Variants in SRSF4 observed in about 807,000 individuals in gnomAD.
The protein encoded by SRSF4 is serine/arginine-rich splicing factor 4.
Under a neutral mutation model 48.8 loss-of-function variants are expected in SRSF4, and 12 were observed. The observed-to-expected ratio is 0.25, with a 90% confidence interval of 0.16 to 0.40. The LOEUF (loss-of-function observed/expected upper bound fraction) is 0.40, where lower values mean the gene tolerates loss of function less well. SRSF4 is among the 10% of genes least tolerant of loss of function. The probability of loss-of-function intolerance (pLI) is 1.00; values close to 1 mark genes in which losing one functional copy is unlikely to be tolerated. For missense variants in SRSF4, 466 were observed against 667.1 expected (o/e 0.70, Z 3.32); for synonymous variants, 248 against 232.5 (o/e 1.07, Z -0.61).
Position 29,148,193 on chromosome 1 carries a change from G to C in SRSF4, c.*217C>G. On this transcript the variant is annotated 3_prime_UTR_variant, in exon 6 of 6. Coordinates refer to ENST00000373795, the MANE Select transcript of SRSF4 (RefSeq NM_005626.5). Reference sequence around the variant, plus strand: ...TTCTACTGTGGGCCATGAGTAAAAGGGGATTTTCAAAGAGAAAATTTTTTT... The same window carrying C: ...TTCTACTGTGGGCCATGAGTAAAAGCGGATTTTCAAAGAGAAAATTTTTTT... The C allele has an allele frequency of 1.4e-6, 1 of 718,260 alleles. No homozygotes were observed. Among genetic ancestry groups the C allele is most frequent in the Non-Finnish European group, 2.5e-6 (1 of 406,624 alleles). 44.5% of individuals were successfully genotyped at this position (718,260 alleles called of 1,614,324 possible).
At chr1:29,149,775 C>T (rs539128657) in intron 5 of SRSF4, among the ~76,000 whole-genome samples, 82 of 151,306 alleles carry the variant, frequency 5.4e-4, no homozygotes, top group Non-Finnish European at 8.4e-4. Flanking sequence ...GGCACAGTGG[C>T]TCATGTCTGT....
At chr1:29,171,786 C>T (rs1228231040) in intron 1 of SRSF4, 1 of 152,044 alleles carries the variant, frequency 6.6e-6, no homozygotes, top group Non-Finnish European at 1.5e-5. Context: ...ATATCCTGTG[C>T]CTATCTTTTA....
At position 29,149,152 on chromosome 1, in the gene SRSF4, C is replaced by T; in HGVS notation, c.743G>A (p.Arg248Lys). The T allele has an allele frequency of 6.2e-7, 1 of 1,609,698 alleles. No homozygotes were observed. The highest frequency in any genetic ancestry group is 8.5e-7 in the Non-Finnish European group (1 of 1,177,254). Residue 248 changes from arginine to lysine, a missense_variant, in exon 6 of 6, where the codon AGG (arginine) becomes AAG (lysine). Physicochemically the swap from Arg to Lys is conservative, Grantham distance 26. Transcript: ENST00000373795. The part of the protein sequence containing the change: ...SRSRSKKEKS[R>K]SPSKEKSRSR... ...GCGGCTCTTTTCCTTGCTGGGGCTC[C>T]TGCTTTTCTCTTTCTTGCTCCGGCT... is the stretch of plus-strand genomic sequence containing the variant.
At chr1:29,150,242 G>A (rs1672388659) in intron 4 of SRSF4, 50 bp from the exon 5 acceptor site, 2 of 1,307,466 alleles carry the variant, frequency 1.5e-6, no homozygotes, top group South Asian at 2.4e-5. Flanking sequence ...GGCTGCTGAT[G>A]AGCATCAATC....
In SRSF4 at chr1:29,159,446, G is replaced by C. The variant is rs780506020; in HGVS notation, c.291C>G (p.Gly97=). The C allele has an allele frequency of 3.1e-6, 5 of 1,613,830 alleles. No homozygotes were observed. The highest frequency in any genetic ancestry group is 2.2e-5 in the East Asian group (1 of 44,872). ...GYRRSGRDKY[G]PPTRTEYRLI... ...GTCTGTACTCTGTGCGAGTAGGAGG[G>C]CCATATTTATCTCGGCCACTTCTTC... The change falls in exon 3 of 6, where the codon GGC becomes GGG. Residue 97 remains glycine, a synonymous_variant. Transcript: ENST00000373795.
At chr1:29,152,716 C>G (rs753857543) in intron 4 of SRSF4, among the ~76,000 whole-genome samples, 3 of 151,976 alleles carry the variant, frequency 2.0e-5, no homozygotes, top group Non-Finnish European at 4.4e-5. Flanking sequence ...GTCAGGAGTT[C>G]GAGACCAGTC....
At chr1:29,158,586 C>T (rs931928978) in intron 3 of SRSF4, among the ~76,000 whole-genome samples, 7 of 152,078 alleles carry the variant, frequency 4.6e-5, no homozygotes, top group Non-Finnish European at 7.3e-5. Flanking sequence ...CCCACCACCA[C>T]GCCCGGCTAA....
intron 1 of SRSF4, among the ~76,000 whole-genome samples, chr1:29,174,655 A>G (rs1309737940): frequency 6.7e-6 from 1 of 149,382 alleles, no homozygotes; most frequent in Admixed American, 6.7e-5. Context: ...AAGAAAAGGG[A>G]GAGACTGTGC....
At chr1:29,150,043 G>T (rs1348742505) in intron 5 of SRSF4, 60 bp downstream of exon 5, 1 of 1,359,716 alleles carries the variant, frequency 7.4e-7, no homozygotes, top group Non-Finnish European at 1.0e-6. Flanking sequence ...AGAAAAAAAA[G>T]TGAGACAGGG....
At position 29,149,030 on chromosome 1, in the gene SRSF4, G is replaced by C. The variant is rs139023153; in HGVS notation, c.865C>G (p.Arg289Gly). ...TTACTTTTATGCCTGCTAGGACTCC[G>C]GCTCTTGGGTTTCCCGACATTGTCA... ...NNDNVGKPKS[R>G]SPSRHKSKSK... Residue 289 changes from arginine to glycine, a missense_variant, in exon 6 of 6, where the codon CGG (arginine) becomes GGG (glycine). Physicochemically the swap from Arg to Gly is moderately radical, Grantham distance 125. Transcript: ENST00000373795. 1.2e-6 allele frequency: 2 copies of C among 1,613,190 alleles called. No homozygotes were observed. Among genetic ancestry groups the C allele is most frequent in the East Asian group, 2.2e-5 (1 of 44,782 alleles).
chr1:29,164,920 T>G (rs1053920969), intron 1 of SRSF4, among the ~76,000 whole-genome samples: 1 of 152,200 alleles, frequency 6.6e-6, no homozygotes, highest in African/African-American at 2.4e-5. Context: ...AAATCTGAAA[T>G]GCTCGAAAAT....
chr1:29,181,569 C>T, intron 1 of SRSF4, 77 bp downstream of exon 1: 1 of 1,297,208 alleles, frequency 7.7e-7, no homozygotes, highest in Non-Finnish European at 1.1e-6. Flanking sequence ...CCAGGCGTCC[C>T]TCTCCCGTCC....
chr1:29,161,572 C>CA (rs899182231), intron 1 of SRSF4, among the ~76,000 whole-genome samples: 12 of 152,080 alleles, frequency 7.9e-5, no homozygotes, highest in Admixed American at 7.9e-4. Flanking sequence ...AGCCTGCTGA[C>CA]AAAAAATGAT....
chr1:29,178,525 T>A (rs1672905584), intron 1 of SRSF4, among the ~76,000 whole-genome samples: 3 of 152,022 alleles, frequency 2.0e-5, no homozygotes, highest in Admixed American at 1.3e-4. Flanking sequence ...TTTTAATTTT[T>A]ATTTTCATTT....
intron 1 of SRSF4, among the ~76,000 whole-genome samples, chr1:29,175,729 A>G (rs1001368927): frequency 6.8e-6 from 1 of 146,450 alleles, no homozygotes; most frequent in Non-Finnish European, 1.5e-5. Flanking sequence ...AAAAATTTCC[A>G]ATTATAAATA....
intron 1 of SRSF4, among the ~76,000 whole-genome samples, chr1:29,173,704 T>C (rs1183743782): frequency 2.7e-4 from 39 of 143,362 alleles, no homozygotes; most frequent in Non-Finnish European, 5.2e-4. Context: ...CCACCTCAGC[T>C]TCCCAAAAGT....
rs1334716010 is a variant in SRSF4 at position 29,148,606 on chromosome 1, T to G, written c.1289A>C (p.Glu430Ala). Residue 430 changes from glutamate (E) to alanine (A), a missense_variant, in exon 6 of 6, where the codon GAG (glutamate) becomes GCG (alanine). By Grantham distance (107) the Glu-to-Ala change is moderately radical. This residue lies in a region of SRSF4 where 402 missense variants were observed against 437.0 expected (regional missense o/e 0.92). Coordinates refer to ENST00000373795, the MANE Select transcript of SRSF4 (RefSeq NM_005626.5). ...CTGATTGGTGCCAGCATTCTCACTC[T>G]CTCCTCGACCTTCCCTCTGGCTGGA... ...SESSQREGRG[E>A]SENAGTNQET... The G allele has an allele frequency of 6.2e-7, 1 of 1,613,792 alleles. No individual in the cohort carries two copies. Among genetic ancestry groups the G allele is most frequent in the African/African-American group, 1.3e-5 (1 of 74,914 alleles).
At chr1:29,179,510 T>C (rs761711531) in intron 1 of SRSF4, among the ~76,000 whole-genome samples, 4 of 152,124 alleles carry the variant, frequency 2.6e-5, no homozygotes, top group Non-Finnish European at 4.4e-5. Context: ...TAGGCGAGTG[T>C]CACCACGCGT....
In SRSF4 at chr1:29,149,069, T is replaced by C. The variant is rs1672358696; in HGVS notation, c.826A>G (p.Lys276Glu). Reference sequence around the variant, plus strand: ...CCGACATTGTCATTGTTTTGGATCTTCTCTTCAGCTTGGTCTTTGCTCTTG... The same window carrying C: ...CCGACATTGTCATTGTTTTGGATCTCCTCTTCAGCTTGGTCTTTGCTCTTG... ...RSKSKDQAEE[K>E]IQNNDNVGKP... Residue 276 changes from lysine to glutamate, a missense_variant, in exon 6 of 6, where the codon AAG (lysine) becomes GAG (glutamate). Lys to Glu is a moderately conservative substitution (Grantham distance 56). This residue lies in a region of SRSF4 where 402 missense variants were observed against 437.0 expected (regional missense o/e 0.92). Transcript: ENST00000373795. 2.2e-5 allele frequency: 35 copies of C among 1,613,532 alleles called. No individual in the cohort carries two copies. Among genetic ancestry groups the C allele is most frequent in the Non-Finnish European group, 3.0e-5 (35 of 1,179,950 alleles).
Sources: gnomAD v4.1 joint callset for allele counts (sites outside exome capture counted in the v4.1 genomes callset) on GRCh38, gnomAD v4.1.1 for gene constraint, gnomAD v4.1.1 regional missense constraint, MANE v1.5 for transcripts, NCBI Gene and HGNC (gene_info 2026-07-23, HGNC 2026-07-21) for gene names.